CDC26: variants seen among roughly 807,000 people sequenced by gnomAD.
The protein encoded by CDC26 is cell division cycle 26.
In CDC26, 2 loss-of-function variants were observed where a neutral mutation model predicts 8.0. The observed-to-expected ratio is 0.25, with a 90% CI of 0.10 to 0.79. The LOEUF is 0.79. Ranked by LOEUF, CDC26 falls within the 30% of genes least tolerant of loss-of-function variation. CDC26 has a pLI of 0.70. For missense variants in CDC26, 68 were observed against 106.0 expected (o/e 0.64, Z 1.57); for synonymous variants, 19 against 34.9 (o/e 0.55, Z 1.60).
At chr9:113,271,851 T>C (rs1204080024) in intron 3 of CDC26, among the ~76,000 whole-genome samples, 2 of 152,182 alleles carry the variant, frequency 1.3e-5, no homozygotes, top group East Asian at 1.9e-4. Context: ...TATACATATT[T>C]ATGTATGACA....
chr9:113,272,617 A>G lies in CDC26; in HGVS notation c.-41-69T>C, dbSNP rs571310894. The G allele has an allele frequency of 2.6e-5, 20 of 756,786 alleles. No individual in the cohort carries two copies. The African/African-American group carries it at 2.8e-4, about 11-fold the overall frequency. 46.9% of individuals were successfully genotyped at this position (756,786 alleles called of 1,614,324 possible). On this transcript the variant is annotated intron_variant, in intron 2 of 3. Transcript: ENST00000374206. ...GTCTCAGATACAAAACATAAAATCAATTTGCAAGCATGTATACTAAAGTGA... is the reference window on the plus strand; with the variant it reads ...GTCTCAGATACAAAACATAAAATCAGTTTGCAAGCATGTATACTAAAGTGA...
chr9:113,267,132 C>A lies in CDC26; in HGVS notation c.*131G>T. On this transcript the variant is annotated 3_prime_UTR_variant, in exon 4 of 4. Coordinates refer to ENST00000374206, the MANE Select transcript of CDC26 (RefSeq NM_139286.4). Reference sequence around the variant, plus strand: ...AGTGCAAGTGAAGCATCAGTAATCTCATGCAGAAGATTTGTCTCTGCAGGA... The same window carrying A: ...AGTGCAAGTGAAGCATCAGTAATCTAATGCAGAAGATTTGTCTCTGCAGGA... 3.9e-6 allele frequency: 2 copies of A among 516,908 alleles called. No individual in the cohort carries two copies. Among genetic ancestry groups the A allele is most frequent in the Non-Finnish European group, 6.6e-6 (2 of 301,586 alleles). 32.0% of individuals were successfully genotyped at this position (516,908 alleles called of 1,614,324 possible).
intron 1 of CDC26, among the ~76,000 whole-genome samples, chr9:113,274,752 A>G (rs1302938410): frequency 1.3e-5 from 2 of 152,198 alleles, no homozygotes; most frequent in East Asian, 3.8e-4. Flanking sequence ...GAAGTCAATA[A>G]CGTAATACAG....
At chr9:113,275,190 G>A (rs1200328716) in intron 1 of CDC26, among the ~76,000 whole-genome samples, 192 bp downstream of exon 1, 1 of 152,090 alleles carries the variant, frequency 6.6e-6, no homozygotes, top group Non-Finnish European at 1.5e-5. Flanking sequence ...TCCGGACCAT[G>A]GAGGAGAACA....
Position 113,267,171 on chromosome 9 carries a change from T to C in CDC26, c.*92A>G, listed in dbSNP as rs1419105663. The C allele has an allele frequency of 2.7e-6, 2 of 730,746 alleles. No homozygotes were observed. Among genetic ancestry groups the C allele is most frequent in the Non-Finnish European group, 4.3e-6 (2 of 463,780 alleles). 45.3% of individuals were successfully genotyped at this position (730,746 alleles called of 1,614,324 possible). On this transcript the variant is annotated 3_prime_UTR_variant, in exon 4 of 4. Coordinates refer to ENST00000374206, the MANE Select transcript of CDC26 (RefSeq NM_139286.4). ...GTCTCTGCAGGAGGTACATTCTGCT[T>C]GACTGCAAGCACTCAATTCTCTAAA...
chr9:113,268,520 T>C (rs1831901602), intron 3 of CDC26, among the ~76,000 whole-genome samples: 1 of 152,206 alleles, frequency 6.6e-6, no homozygotes, highest in African/African-American at 2.4e-5. Context: ...AGTGAAATGA[T>C]GTTTTATCCA....
intron 1 of CDC26, among the ~76,000 whole-genome samples, chr9:113,274,959 CAG>C (rs1163131814): frequency 7.2e-5 from 11 of 152,132 alleles, no homozygotes; most frequent in African/African-American, 2.2e-4. Flanking sequence ...TCCAGCAGGG[CAG>C]AGAGACGTAC....
rs574778453 is a variant in CDC26, at chr9:113,269,044, G to A, written c.82-1605C>T. ...CTGGGGTTTACAGGCATGAGCCACC[G>A]CACCCGGCCCACAAAAAAATTTAAA... On this transcript the variant is annotated intron_variant, in intron 3 of 3. Coordinates refer to ENST00000374206, the MANE Select transcript of CDC26 (RefSeq NM_139286.4). Among the ~76,000 whole-genome samples the A allele has an allele frequency of 7.7e-4, 117 of 152,202 alleles. 1 individual carries two copies. The highest frequency in any genetic ancestry group is 2.6e-3 in the African/African-American group (109 of 41,538).
intron 1 of CDC26, among the ~76,000 whole-genome samples, chr9:113,273,821 C>CAAAAAAAAAAAAAAAAAAAA (rs149642304): frequency 1.9e-5 from 1 of 53,284 alleles, no homozygotes; most frequent in East Asian, 7.7e-4. Context: ...GACCCCAACT[C>CAAAAAAAAAAAAAAAAAAAA]AAAAAAAAAA....
intron 3 of CDC26, among the ~76,000 whole-genome samples, chr9:113,270,171 A>G (rs1052049091): frequency 1.3e-5 from 2 of 152,228 alleles, no homozygotes; most frequent in African/African-American, 4.8e-5. Context: ...AGAAAAAGAA[A>G]GGGCTTTTCT....
chr9:113,275,520 C>T lies in CDC26; in HGVS notation c.-290G>A. 1 of 492,346 alleles carries T rather than the reference C, an allele frequency of 2.0e-6. No individual in the cohort carries two copies. The highest frequency in any genetic ancestry group is 3.6e-6 in the Non-Finnish European group (1 of 274,644). The allele number at this position is 492,346 out of a possible 1,614,324, so 30.5% of individuals were successfully genotyped here. The stretch of plus-strand genomic sequence containing the variant: ...GAACCTCGTCTTCCGCGAGCTTTTC[C>T]TGGAGGTTCTAGGAGGGATGCCCCT... On this transcript the variant is annotated 5_prime_UTR_variant, in exon 1 of 4. Transcript: ENST00000374206.
At chr9:113,269,588 G>T (rs1831922953) in intron 3 of CDC26, among the ~76,000 whole-genome samples, 1 of 152,118 alleles carries the variant, frequency 6.6e-6, no homozygotes, top group South Asian at 2.1e-4. Flanking sequence ...CTAAAACAAG[G>T]TAAAACCCAC....
intron 3 of CDC26, among the ~76,000 whole-genome samples, chr9:113,271,955 C>G (rs147186124): frequency 3.3e-5 from 5 of 152,124 alleles, no homozygotes; most frequent in Non-Finnish European, 5.9e-5. Context: ...CTCCCGCCTC[C>G]GCCTCCTGAG....
At chr9:113,274,294 T>C (rs1029351639) in intron 1 of CDC26, among the ~76,000 whole-genome samples, 8 of 152,174 alleles carry the variant, frequency 5.3e-5, no homozygotes, top group Admixed American at 3.9e-4. Context: ...ATACAAATTA[T>C]TACACGTATC....
chr9:113,269,536 G>C (rs1831921832), intron 3 of CDC26, among the ~76,000 whole-genome samples: 1 of 128,336 alleles, frequency 7.8e-6, no homozygotes, highest in Non-Finnish European at 1.6e-5. Flanking sequence ...TTTTCTACTG[G>C]TTTCACTTTA....
At chr9:113,270,453 A>G (rs1831935555) in intron 3 of CDC26, among the ~76,000 whole-genome samples, 1 of 152,118 alleles carries the variant, frequency 6.6e-6, no homozygotes, top group African/African-American at 2.4e-5. Context: ...TCTGCAATCA[A>G]CGTCCCTAAT....
intron 3 of CDC26, among the ~76,000 whole-genome samples, chr9:113,271,182 G>A (rs1831950687): frequency 6.6e-6 from 1 of 152,160 alleles, no homozygotes; most frequent in Non-Finnish European, 1.5e-5. Flanking sequence ...ATACTGAGAT[G>A]GGAAACACTG....
chr9:113,274,449 CT>C (rs1832021626), intron 1 of CDC26, among the ~76,000 whole-genome samples: 1 of 152,146 alleles, frequency 6.6e-6, no homozygotes, highest in East Asian at 1.9e-4. Context: ...CAGGCATTAT[CT>C]TCTACCAGAT....
chr9:113,268,577 T>G (rs1419469754), intron 3 of CDC26, among the ~76,000 whole-genome samples: 1 of 152,200 alleles, frequency 6.6e-6, no homozygotes, highest in African/African-American at 2.4e-5. Context: ...TCACTGGAAT[T>G]ACCACCATTC....
Sources: allele counts gnomAD v4.1 joint callset (sites outside exome capture counted in the v4.1 genomes callset), GRCh38; gene constraint gnomAD v4.1.1; transcripts MANE v1.5; gene names NCBI Gene and HGNC (gene_info 2026-07-23, HGNC 2026-07-21).